NAA40: variants seen among roughly 807,000 people sequenced by gnomAD.
NAA40 encodes N-alpha-acetyltransferase 40.
Under a neutral mutation model 36.6 loss-of-function variants are expected in NAA40, and 26 were observed. The ratio of observed to expected loss-of-function variants is 0.71; its 90% CI spans 0.52 to 0.98. The LOEUF (loss-of-function observed/expected upper bound fraction) is 0.98, where lower values mean the gene tolerates loss of function less well. Ranked by LOEUF, NAA40 falls within the 50% of genes least tolerant of loss-of-function variation. NAA40 has a pLI of 0.00. For missense variants in NAA40, 237 were observed against 306.5 expected (o/e 0.77, Z 1.69); for synonymous variants, 129 against 108.4 (o/e 1.19, Z -1.18).
chr11:63,951,440 TTCA>T (rs1298864150), intron 3 of NAA40, among the ~76,000 whole-genome samples: 3 of 151,994 alleles, frequency 2.0e-5, no homozygotes, highest in Non-Finnish European at 4.4e-5. Flanking sequence ...GCCTCCCAGG[TTCA>T]AGCGATTCTC....
At chr11:63,940,527 G>C (rs558850282) in intron 1 of NAA40, among the ~76,000 whole-genome samples, 1 of 152,236 alleles carries the variant, frequency 6.6e-6, no homozygotes, top group African/African-American at 2.4e-5. Context: ...CTCCCCCTTA[G>C]GGTAGTAGTG....
At chr11:63,954,147 T>A in intron 7 of NAA40, 98 bp downstream of exon 7, 2 of 1,397,446 alleles carry the variant, frequency 1.4e-6, no homozygotes, top group South Asian at 2.4e-5. Context: ...CCTGAGCTCA[T>A]GGTCCAGTGG....
At chr11:63,950,366 G>C (rs932991135) in intron 3 of NAA40, among the ~76,000 whole-genome samples, 10 of 152,162 alleles carry the variant, frequency 6.6e-5, no homozygotes, top group African/African-American at 2.2e-4. Flanking sequence ...TGATCCACCT[G>C]CCTCAACCTC....
intron 3 of NAA40, among the ~76,000 whole-genome samples, chr11:63,949,769 G>A (rs559410249): frequency 7.4e-6 from 1 of 135,832 alleles, no homozygotes; most frequent in Non-Finnish European, 1.6e-5. Flanking sequence ...TTTTGAGATG[G>A]TGTCTTGCTC....
At chr11:63,948,042 A>C (rs1942217084) in intron 3 of NAA40, among the ~76,000 whole-genome samples, 1 of 151,054 alleles carries the variant, frequency 6.6e-6, no homozygotes, top group Non-Finnish European at 1.5e-5. Context: ...TTTAGTAGAG[A>C]TGGGGTTTCA....
intron 2 of NAA40, 121 bp downstream of exon 2, chr11:63,946,056 C>T (rs1407400231): frequency 2.4e-6 from 2 of 844,424 alleles, no homozygotes; most frequent in Admixed American, 2.1e-5. Context: ...CCGCCTCTGC[C>T]TCCTTGCTGT....
At chr11:63,942,431 GA>G (rs1942123454) in intron 1 of NAA40, among the ~76,000 whole-genome samples, 1 of 152,188 alleles carries the variant, frequency 6.6e-6, no homozygotes, top group South Asian at 2.1e-4. Context: ...AGAAAACTGA[GA>G]GAGAAATTTT....
At chr11:63,951,115 T>C (rs1942272685) in intron 3 of NAA40, among the ~76,000 whole-genome samples, 1 of 152,202 alleles carries the variant, frequency 6.6e-6, no homozygotes, top group South Asian at 2.1e-4. Context: ...CTCTGGGGGT[T>C]GTGTCAAAGG....
At chr11:63,946,173 T>A (rs1205470946) in intron 2 of NAA40, 1 of 547,000 alleles carries the variant, frequency 1.8e-6, no homozygotes, top group Non-Finnish European at 3.3e-6. Flanking sequence ...CCTGTGGATC[T>A]TCTTCCTTAT....
At position 63,952,418 on chromosome 11, in the gene NAA40, G is replaced by C; in HGVS notation, c.263G>C (p.Ser88Thr). The C allele has an allele frequency of 6.2e-7, 1 of 1,614,212 alleles. No individual in the cohort carries two copies. The highest frequency in any genetic ancestry group is 1.3e-5 in the African/African-American group (1 of 75,042). Residue 88 changes from serine (S) to threonine (T), a missense_variant, in exon 5 of 8, where the codon AGC becomes ACC. Ser to Thr is a moderately conservative substitution (Grantham distance 58). Transcript: ENST00000377793. ...CCCAAATTCCCCAGGTATGAGCAGAGCGAGTGGGGCTGGAAGGACCGAGAG... is the reference window on the plus strand; with the variant it reads ...CCCAAATTCCCCAGGTATGAGCAGACCGAGTGGGGCTGGAAGGACCGAGAG... ...KTNMQTMYEQ[S>T]EWGWKDREKR... is the part of the protein sequence containing the mutation.
At position 63,954,602 on chromosome 11, in the gene NAA40, GCCCT is replaced by G; in HGVS notation, c.*124_*127del. 1 of 1,139,490 alleles carries G rather than the reference GCCCT, an allele frequency of 8.8e-7. No homozygotes were observed. The highest frequency in any genetic ancestry group is 1.2e-6 in the Non-Finnish European group (1 of 840,520). The allele number at this position is 1,139,490 out of a possible 1,614,324, so 70.6% of individuals were successfully genotyped here. ...CCCAGCCCTGCACGTGCCAGGCTGCGCCCTGAGAGCACAGAACCCTGGGGAGAAG... is the reference window on the plus strand; with the variant it reads ...CCCAGCCCTGCACGTGCCAGGCTGCGGAGAGCACAGAACCCTGGGGAGAAG... On this transcript the variant is annotated 3_prime_UTR_variant, in exon 8 of 8. Transcript: ENST00000377793.
chr11:63,955,562 T>A lies in NAA40; in HGVS notation c.*1083T>A, dbSNP rs1163291392. 6.5e-6 allele frequency: 1 copy of A among 152,764 alleles called. No individual in the cohort carries two copies. Among genetic ancestry groups the A allele is most frequent in the African/African-American group, 2.4e-5 (1 of 41,462 alleles). 9.5% of individuals were successfully genotyped at this position (152,764 alleles called of 1,614,324 possible). On this transcript the variant is annotated 3_prime_UTR_variant, in exon 8 of 8. Transcript: ENST00000377793. ...CAGCAGGCCCCTCTGCCTGCACTCC[T>A]CAGGCTTGCCCCTCGCTGCCTCAGT...
intron 3 of NAA40, among the ~76,000 whole-genome samples, chr11:63,950,020 A>G (rs1223648938): frequency 4.6e-5 from 7 of 151,996 alleles, no homozygotes; most frequent in Admixed American, 4.6e-4. Context: ...CTGGGATTAC[A>G]GGTGTGAGCC....
At chr11:63,949,510 G>A (rs997408653) in intron 3 of NAA40, among the ~76,000 whole-genome samples, 1 of 151,764 alleles carries the variant, frequency 6.6e-6, no homozygotes, top group Non-Finnish European at 1.5e-5. Context: ...GCCCCCTCAC[G>A]TTTTTTTCTC....
chr11:63,939,343 G>A, intron 1 of NAA40: 1 of 1,193,432 alleles, frequency 8.4e-7, no homozygotes, highest in Non-Finnish European at 1.0e-6. Flanking sequence ...CGTCACGCCC[G>A]CCCCTTCCTG....
chr11:63,942,882 A>G (rs1942129881), intron 1 of NAA40, among the ~76,000 whole-genome samples: 1 of 152,190 alleles, frequency 6.6e-6, no homozygotes, highest in Non-Finnish European at 1.5e-5. Context: ...TACATGAATG[A>G]GCCCACAAAT....
chr11:63,956,847 C>G lies in NAA40; in HGVS notation c.*2368C>G, dbSNP rs893311233. The G allele has an allele frequency of 2.0e-5, 3 of 152,074 alleles. No individual in the cohort carries two copies. Among genetic ancestry groups the G allele is most frequent in the East Asian group, 1.9e-4 (1 of 5,192 alleles). The allele number at this position is 152,074 out of a possible 1,614,324, so 9.4% of individuals were successfully genotyped here. ...AAAAATCAGCCAGGCGTGGTTGTGGCCTGTAATCCCAGCTACTCGGGAGGC... is the reference window on the plus strand; with the variant it reads ...AAAAATCAGCCAGGCGTGGTTGTGGGCTGTAATCCCAGCTACTCGGGAGGC... On this transcript the variant is annotated 3_prime_UTR_variant, in exon 8 of 8. Transcript: ENST00000377793.
Position 63,939,034 on chromosome 11 carries a change from C to G in NAA40, c.-63C>G. ...CTGCTGCCGCCGCTGTTGCAGCCAC[C>G]GCCGTTGCCGCCTCCCTGCCGGCAA... is the stretch of plus-strand genomic sequence containing the variant. On this transcript the variant is annotated 5_prime_UTR_variant, in exon 1 of 8. Coordinates refer to ENST00000377793, the MANE Select transcript of NAA40 (RefSeq NM_024771.4). The G allele has an allele frequency of 1.3e-6, 2 of 1,591,422 alleles. No homozygotes were observed. The highest frequency in any genetic ancestry group is 2.3e-5 in the East Asian group (1 of 42,652).
At chr11:63,946,123 G>A (rs1357690968) in intron 2 of NAA40, 188 bp downstream of exon 2, 4 of 590,890 alleles carry the variant, frequency 6.8e-6, no homozygotes, top group Non-Finnish European at 1.2e-5. Flanking sequence ...GTTGGCCCAG[G>A]TGTTTGGGAA....
Sources: gnomAD v4.1 joint callset for allele counts (sites outside exome capture counted in the v4.1 genomes callset) on GRCh38, gnomAD v4.1.1 for gene constraint, MANE v1.5 for transcripts, NCBI Gene and HGNC (gene_info 2026-07-23, HGNC 2026-07-21) for gene names.